The following EIF6 variants were observed in gnomAD, a reference collection of about 807,000 sequenced individuals.
EIF6 encodes the protein eukaryotic translation initiation factor 6, also known as B4 integrin interactor.
A neutral mutation model predicts 25.5 loss-of-function variants in EIF6; 10 were observed. The ratio of observed to expected loss-of-function variants is 0.39; its 90% CI spans 0.24 to 0.66. EIF6 has a LOEUF of 0.66. Ranked by LOEUF, EIF6 falls within the 30% of genes least tolerant of loss-of-function variation. EIF6 has a pLI of 0.45. For synonymous variants in EIF6, 122 were observed against 122.6 expected, an observed-to-expected ratio of 1.00 and a Z score of 0.03; for missense variants, 246 against 315.4, an observed-to-expected ratio of 0.78 and a Z score of 1.67.
intron 4 of EIF6, 76 bp downstream of exon 4, chr20:35,280,578 C>A: frequency 6.5e-7 from 1 of 1,543,930 alleles, no homozygotes; most frequent in Non-Finnish European, 8.8e-7. Context: ...CTAATTGCTG[C>A]CTGTTGGGAA....
At chr20:35,282,179 C>T (rs537137294) in intron 3 of EIF6, among the ~76,000 whole-genome samples, 2 of 152,140 alleles carry the variant, frequency 1.3e-5, no homozygotes, top group Non-Finnish European at 2.9e-5. Context: ...TTAGTAGACA[C>T]GGGGTTTCAC....
At chr20:35,280,921 C>T in intron 3 of EIF6, 92 bp from the exon 4 acceptor site, 2 of 1,463,156 alleles carry the variant, frequency 1.4e-6, no homozygotes, top group Non-Finnish European at 1.9e-6. Flanking sequence ...AATCAGCTTT[C>T]CCAGGAAAGC....
intron 3 of EIF6, among the ~76,000 whole-genome samples, chr20:35,283,027 C>G (rs1193217378): frequency 6.6e-6 from 1 of 152,168 alleles, no homozygotes; most frequent in Non-Finnish European, 1.5e-5. Context: ...CGCAGTGGCT[C>G]ACGCCTGTAA....
rs1031541059 is a variant in EIF6, at chr20:35,284,743, G to T, written c.-23C>A. ...CAGCTTACCAAGTAACCAGTAACAA[G>T]CTCCGCACGCGGCGACTGTACCTTG... is the stretch of plus-strand genomic sequence containing the variant. On this transcript the variant is annotated 5_prime_UTR_variant, in exon 1 of 7. Coordinates refer to ENST00000374450, the MANE Select transcript of EIF6 (RefSeq NM_002212.4). 9.3e-6 allele frequency: 5 copies of T among 536,728 alleles called. No individual in the cohort carries two copies. The highest frequency in any genetic ancestry group is 3.3e-5 in the Admixed American group (1 of 30,334). 33.2% of individuals were successfully genotyped at this position (536,728 alleles called of 1,614,324 possible). A position where few individuals can be genotyped will look rare whatever the true frequency, so the allele number is the denominator to read the frequency against.
intron 3 of EIF6, 83 bp from the exon 4 acceptor site, chr20:35,280,912 A>G (rs2060769480): frequency 6.7e-7 from 1 of 1,489,480 alleles, no homozygotes; most frequent in Non-Finnish European, 9.1e-7. Flanking sequence ...GCCCAGCCCA[A>G]TCAGCTTTCC....
intron 3 of EIF6, 81 bp downstream of exon 3, chr20:35,284,095 G>A: frequency 1.3e-6 from 2 of 1,482,758 alleles, no homozygotes; most frequent in Non-Finnish European, 1.8e-6. Context: ...GAATCCCTAG[G>A]TCACTCCGGG....
intron 3 of EIF6, among the ~76,000 whole-genome samples, chr20:35,283,573 G>A (rs1408063719): frequency 6.6e-6 from 1 of 152,332 alleles, no homozygotes; most frequent in South Asian, 2.1e-4. Context: ...ACCAAGGTAA[G>A]AAGATCACTT....
chr20:35,279,878 C>T (rs1320437159), intron 5 of EIF6, 64 bp downstream of exon 5: 15 of 1,591,536 alleles, frequency 9.4e-6, no homozygotes, highest in East Asian at 2.2e-5. Context: ...ATGACCCAGA[C>T]TCCCAAACAC....
rs1205002648 is a variant in EIF6, at chr20:35,280,056, G to C, written c.432C>G (p.Asp144Glu). The change falls in exon 5 of 7, where the codon GAC becomes GAG. Residue 144 changes from aspartate (D) to glutamate (E), a missense_variant. Physicochemically the swap from Asp to Glu is conservative, Grantham distance 45 (BLOSUM62 2). Coordinates refer to ENST00000374450, the MANE Select transcript of EIF6 (RefSeq NM_002212.4). The stretch of plus-strand genomic sequence containing the variant: ...CACAGTAGCTTCCTACTAGCACCTG[G>C]TCGGCCACTGTCTGTCTGAAGACTT... ...KVEVFRQTVADQVLVGSYCVF... is the reference protein window; with the variant it reads ...KVEVFRQTVAEQVLVGSYCVF... The C allele has an allele frequency of 6.2e-7, 1 of 1,614,182 alleles. No homozygotes were observed. The highest frequency in any genetic ancestry group is 8.5e-7 in the Non-Finnish European group (1 of 1,180,038).
At chr20:35,284,152 C>T (rs751800401) in intron 3 of EIF6, 24 bp downstream of exon 3, 2 of 1,563,212 alleles carry the variant, frequency 1.3e-6, no homozygotes, top group Non-Finnish European at 1.7e-6. Context: ...CACTCCCTCC[C>T]TCGGCGTCCT....
Position 35,279,749 on chromosome 20 carries a change from T to G in EIF6, c.547-2A>C, listed in dbSNP as rs757660252. 1 of 1,614,014 alleles carries G rather than the reference T, an allele frequency of 6.2e-7. No individual in the cohort carries two copies. The highest frequency in any genetic ancestry group is 1.1e-5 in the South Asian group (1 of 91,072). Reference sequence around the variant, plus strand: ...ACTGCCTCGGTTCACAGTCCCCGCCTGCCAAGGGATGGGCTCAATGTGAGT... The same window carrying G: ...ACTGCCTCGGTTCACAGTCCCCGCCGGCCAAGGGATGGGCTCAATGTGAGT... On this transcript the variant is annotated splice_acceptor_variant, in intron 5 of 6. Transcript: ENST00000374450. LOFTEE classifies it high-confidence loss of function.
chr20:35,279,998 T>G lies in EIF6; in HGVS notation c.490A>C (p.Lys164Gln), dbSNP rs1444005845. ...FSNQGGLVHP[K>Q]TSIEDQDELS... ...TCATCCTGGTCTTCAATTGAAGTCT[T>G]GGGATGCACCAGCCCTCCCTGATTG... The change falls in exon 5 of 7, where the codon AAG becomes CAG. Residue 164 changes from lysine (K) to glutamine (Q), a missense_variant. Transcript: ENST00000374450. 5 of 1,614,214 alleles carry G rather than the reference T, an allele frequency of 3.1e-6. No homozygotes were observed. Among genetic ancestry groups the G allele is most frequent in the South Asian group, 2.2e-5 (2 of 91,080 alleles).
chr20:35,280,182 T>G (rs2060762262), intron 4 of EIF6, 64 bp from the exon 5 acceptor site: 1 of 1,561,298 alleles, frequency 6.4e-7, no homozygotes, highest in East Asian at 2.2e-5. Flanking sequence ...AGGTTCTCCA[T>G]GCCCAGAAGC....
rs1203096104 is a variant in EIF6, at chr20:35,280,740, T to A, written c.283A>T (p.Arg95Trp). The change falls in exon 4 of 7, where the codon AGG becomes TGG. Residue 95 changes from arginine to tryptophan, a missense_variant. Arg to Trp is a moderately radical substitution (Grantham distance 101). Transcript: ENST00000374450. Reference protein sequence around the residue: ...RNSLPDTVQIRRVEERLSALG... With the variant: ...RNSLPDTVQIWRVEERLSALG... ...GCTGAGAGCCGCTCCTCCACCCGCC[T>A]AATCTGCACTGTGTCTGGGAGGCTG... 1 of 1,613,960 alleles carries A rather than the reference T, an allele frequency of 6.2e-7. No homozygotes were observed. Among genetic ancestry groups the A allele is most frequent in the East Asian group, 2.2e-5 (1 of 44,898 alleles).
chr20:35,284,666 C>T (rs2060810290), intron 1 of EIF6, 60 bp downstream of exon 1: 1 of 702,858 alleles, frequency 1.4e-6, no homozygotes, highest in Non-Finnish European at 2.3e-6. Context: ...CCTCTGGCCC[C>T]CACCCCTCCC....
chr20:35,280,248 C>A, intron 4 of EIF6, 130 bp from the exon 5 acceptor site: 1 of 1,017,854 alleles, frequency 9.8e-7, no homozygotes, highest in Non-Finnish European at 1.4e-6. Flanking sequence ...CATATGAAAG[C>A]CTCACCCAGA....
chr20:35,284,102 C>T (rs2060801077), intron 3 of EIF6, 74 bp downstream of exon 3: 1 of 1,504,016 alleles, frequency 6.6e-7, no homozygotes, highest in Non-Finnish European at 8.9e-7. Context: ...TAGGTCACTC[C>T]GGGTTCCCTC....
chr20:35,279,444 C>A, intron 6 of EIF6, 122 bp downstream of exon 6: 1 of 1,380,732 alleles, frequency 7.2e-7, no homozygotes, highest in African/African-American at 1.4e-5. Context: ...TATGCTCTCA[C>A]ACTCGAGAAG....
downstream of EIF6, chr20:35,278,908 A>C (rs1330823247): frequency 4.1e-6 from 2 of 493,704 alleles, no homozygotes; most frequent in Non-Finnish European, 7.4e-6. Flanking sequence ...CCCAAACATC[A>C]CATTCAGAAT....
Sources: gnomAD v4.1 joint callset for allele counts (sites outside exome capture counted in the v4.1 genomes callset) on GRCh38, gnomAD v4.1.1 for gene constraint, MANE v1.5 for transcripts, NCBI Gene and HGNC (gene_info 2026-07-23, HGNC 2026-07-21) for gene names.